Variants in SDK1 observed in about 807,000 individuals in gnomAD.
The protein encoded by SDK1 is sidekick cell adhesion molecule 1, also known as protein sidekick-1.
Under a neutral mutation model 245.5 loss-of-function variants are expected in SDK1, and 157 were observed. That is an observed-to-expected ratio of 0.64 (90% confidence interval 0.56 to 0.73). The LOEUF (loss-of-function observed/expected upper bound fraction) is 0.73, where lower values mean the gene tolerates loss of function less well. SDK1 is among the 30% of genes least tolerant of loss of function. The pLI is 0.00. For synonymous variants in SDK1, 1,647 were observed against 1,278.5 expected (o/e 1.29, Z -6.15); for missense variants, 3,583 against 3,002.3 (o/e 1.19, Z -4.52).
At chr7:3,417,208 T>C (rs1779391424) in intron 1 of SDK1, among the ~76,000 whole-genome samples, 1 of 152,150 alleles carries the variant, frequency 6.6e-6, no homozygotes. Context: ...TAGCGAGCCC[T>C]ACAGCTGCAG....
intron 4 of SDK1, among the ~76,000 whole-genome samples, chr7:3,676,888 C>G (rs905123157): frequency 2.6e-5 from 4 of 152,062 alleles, no homozygotes; most frequent in African/African-American, 9.7e-5. Context: ...TGTATTCATA[C>G]CATGCTATTT....
chr7:3,793,968 T>C (rs1212805537), intron 4 of SDK1, among the ~76,000 whole-genome samples: 1 of 152,222 alleles, frequency 6.6e-6, no homozygotes, highest in African/African-American at 2.4e-5. Context: ...GAAGGCCTTT[T>C]GTTCTAAGGG....
At chr7:3,761,801 C>A (rs1351910805) in intron 4 of SDK1, among the ~76,000 whole-genome samples, 2 of 151,896 alleles carry the variant, frequency 1.3e-5, no homozygotes, top group African/African-American at 4.8e-5. Flanking sequence ...TACAAACTGA[C>A]AACAAAAATC....
rs1583669239 is a variant in SDK1, at chr7:3,313,528, G to T, written c.298+11644G>T. ...CCAGGAGTGAGGTACAGATTGTAAAGTGCTAAATGATAGGAAGCATTGTTG... is the reference window on the plus strand; with the variant it reads ...CCAGGAGTGAGGTACAGATTGTAAATTGCTAAATGATAGGAAGCATTGTTG... On this transcript the variant is annotated intron_variant, in intron 1 of 44. Transcript: ENST00000404826. 1.3e-5 allele frequency among the ~76,000 whole-genome samples: 2 copies of T among 152,326 alleles called. 1 individual carries two copies. Among genetic ancestry groups the T allele is most frequent in the South Asian group, 4.1e-4 (2 of 4,822 alleles).
At chr7:4,264,911 C>T (rs181460158) in intron 44 of SDK1, among the ~76,000 whole-genome samples, 1 of 147,474 alleles carries the variant, frequency 6.8e-6, no homozygotes, top group East Asian at 2.1e-4. Context: ...AATGCAGTGT[C>T]GGTCACACCT....
chr7:3,809,915 C>G (rs752925997), intron 4 of SDK1, among the ~76,000 whole-genome samples: 1 of 152,204 alleles, frequency 6.6e-6, no homozygotes, highest in East Asian at 1.9e-4. Context: ...ACTCAGCTCA[C>G]GAAGTAAGAA....
chr7:3,749,513 C>A (rs527850643), intron 4 of SDK1, among the ~76,000 whole-genome samples: 2 of 152,266 alleles, frequency 1.3e-5, no homozygotes, highest in South Asian at 4.1e-4. Context: ...GTTATCCAGG[C>A]TGGTCTCGAA....
At chr7:3,950,203 A>G (rs1393208194) in intron 5 of SDK1, among the ~76,000 whole-genome samples, 3 of 152,238 alleles carry the variant, frequency 2.0e-5, no homozygotes, top group African/African-American at 7.2e-5. Context: ...GCCTGAGGAC[A>G]CTGGCTGTGC....
At chr7:4,055,960 T>C (rs1270823953) in intron 19 of SDK1, among the ~76,000 whole-genome samples, 1 of 152,220 alleles carries the variant, frequency 6.6e-6, no homozygotes, top group Non-Finnish European at 1.5e-5. Flanking sequence ...CTATTGATAA[T>C]CTGATTTGAT....
intron 4 of SDK1, among the ~76,000 whole-genome samples, chr7:3,683,001 T>A (rs1353568635): frequency 6.6e-6 from 1 of 152,188 alleles, no homozygotes; most frequent in Admixed American, 6.5e-5. Context: ...CCCAAAGTGT[T>A]GTGATCACAA....
intron 4 of SDK1, among the ~76,000 whole-genome samples, chr7:3,810,872 T>C (rs983283971): frequency 2.6e-5 from 4 of 152,246 alleles, no homozygotes; most frequent in African/African-American, 9.6e-5. Context: ...GCCTCTTTGC[T>C]AAATTATTAC....
At chr7:3,537,156 T>C (rs1037836340) in intron 1 of SDK1, among the ~76,000 whole-genome samples, 2 of 152,248 alleles carry the variant, frequency 1.3e-5, no homozygotes, top group Admixed American at 6.5e-5. Flanking sequence ...CGCAGACAGC[T>C]ACCGATCTGA....
intron 1 of SDK1, among the ~76,000 whole-genome samples, chr7:3,618,571 A>C (rs1280785347): frequency 6.6e-6 from 1 of 152,206 alleles, no homozygotes; most frequent in Non-Finnish European, 1.5e-5. Context: ...ATCCCATTGA[A>C]AGTCACCAGG....
chr7:3,678,170 T>G (rs1385975951), intron 4 of SDK1, among the ~76,000 whole-genome samples: 1 of 152,212 alleles, frequency 6.6e-6, no homozygotes, highest in African/African-American at 2.4e-5. Flanking sequence ...GGGGTCCTTG[T>G]GCATTGCTGG....
chr7:3,814,287 G>T (rs1249981576), intron 4 of SDK1, among the ~76,000 whole-genome samples: 2 of 149,728 alleles, frequency 1.3e-5, no homozygotes, highest in Middle Eastern at 3.4e-3. Context: ...ATTGATTTTT[G>T]TATAAGGTGT....
intron 4 of SDK1, among the ~76,000 whole-genome samples, chr7:3,647,112 A>G (rs1229074810): frequency 6.6e-6 from 1 of 152,210 alleles, no homozygotes; most frequent in African/African-American, 2.4e-5. Flanking sequence ...TAGGCCACGG[A>G]TGGTGGCTCA....
At chr7:3,448,169 T>A (rs893952597) in intron 1 of SDK1, among the ~76,000 whole-genome samples, 1 of 152,224 alleles carries the variant, frequency 6.6e-6, no homozygotes, top group Non-Finnish European at 1.5e-5. Flanking sequence ...TTTTATCACA[T>A]CTTTAACAGC....
At chr7:4,192,301 A>T (rs1783254995) in intron 35 of SDK1, among the ~76,000 whole-genome samples, 1 of 151,318 alleles carries the variant, frequency 6.6e-6, no homozygotes, top group Non-Finnish European at 1.5e-5. Context: ...ATTGAGACGG[A>T]GTCTCACTCT....
chr7:3,442,970 A>G (rs942972545), intron 1 of SDK1, among the ~76,000 whole-genome samples: 3 of 152,088 alleles, frequency 2.0e-5, no homozygotes, highest in Non-Finnish European at 4.4e-5. Flanking sequence ...TCTATAAAGG[A>G]TGTGTAGATT....
Sources: allele counts gnomAD v4.1 joint callset (sites outside exome capture counted in the v4.1 genomes callset), GRCh38; gene constraint gnomAD v4.1.1; transcripts MANE v1.5; gene names NCBI Gene and HGNC (gene_info 2026-07-23, HGNC 2026-07-21).